The following HDAC9 variants were observed in gnomAD, a reference collection of about 807,000 sequenced individuals.
The protein encoded by HDAC9 is MEF-2 interacting transcription repressor (MITR) protein.
Under a neutral mutation model 139.4 loss-of-function variants are expected in HDAC9, and 41 were observed. That is an observed-to-expected ratio of 0.29 (90% CI 0.23 to 0.38). The LOEUF is 0.38. Ranked by LOEUF, HDAC9 falls within the 10% of genes least tolerant of loss-of-function variation. The pLI, the probability that HDAC9 is intolerant of heterozygous loss-of-function variation, is 1.00. For missense variants in HDAC9, 1,147 were observed against 1,297.0 expected, an observed-to-expected ratio of 0.88 and a Z score of 1.78; for synonymous variants, 517 against 476.2, an observed-to-expected ratio of 1.09 and a Z score of -1.12.
intron 17 of HDAC9, among the ~76,000 whole-genome samples, chr7:18,827,806 T>C (rs941639937): frequency 2.0e-5 from 3 of 152,158 alleles, no homozygotes; most frequent in Non-Finnish European, 4.4e-5. Flanking sequence ...TGTGCATCTG[T>C]CATAAGCTTT....
intron 2 of HDAC9, among the ~76,000 whole-genome samples, chr7:18,262,002 AT>A (rs1795712628): frequency 6.6e-6 from 1 of 152,244 alleles, no homozygotes; most frequent in Non-Finnish European, 1.5e-5. Flanking sequence ...GCAAAGATAT[AT>A]CAAATCCCCT....
intron 1 of HDAC9, among the ~76,000 whole-genome samples, chr7:18,456,818 T>C (rs1793394905): frequency 6.6e-6 from 1 of 152,196 alleles, no homozygotes; most frequent in Non-Finnish European, 1.5e-5. Flanking sequence ...ATTTTCTAAA[T>C]TGAATATGCA....
intron 2 of HDAC9, among the ~76,000 whole-genome samples, chr7:18,544,139 G>T (rs1223374371): frequency 6.6e-6 from 1 of 152,192 alleles, no homozygotes; most frequent in Non-Finnish European, 1.5e-5. Context: ...TCAGCTAGAG[G>T]CTGTCATGGT....
intron 18 of HDAC9, 46 bp from the exon 19 acceptor site, chr7:18,829,415 C>T: frequency 5.0e-6 from 7 of 1,390,020 alleles, no homozygotes; most frequent in Non-Finnish European, 7.1e-6. Flanking sequence ...AATGGTTTTC[C>T]TGGATGATTT....
At chr7:18,150,537 T>C (rs1206424170) in intron 1 of HDAC9, among the ~76,000 whole-genome samples, 1 of 152,200 alleles carries the variant, frequency 6.6e-6, no homozygotes, top group African/African-American at 2.4e-5. Context: ...GACATCAATT[T>C]TGCTGAGAAT....
chr7:18,329,932 T>C (rs1800780481), intron 1 of HDAC9, among the ~76,000 whole-genome samples: 1 of 151,564 alleles, frequency 6.6e-6, no homozygotes, highest in Non-Finnish European at 1.5e-5. Flanking sequence ...TATATTTTAC[T>C]TCTAAGGTAC....
intron 17 of HDAC9, among the ~76,000 whole-genome samples, chr7:18,820,724 C>T (rs2588635): frequency 6.6e-6 from 1 of 151,882 alleles, no homozygotes; most frequent in Non-Finnish European, 1.5e-5. Context: ...AATCTAGCAG[C>T]TAAAATGGTG....
chr7:18,780,990 C>G (rs1019825301), intron 16 of HDAC9, among the ~76,000 whole-genome samples: 3 of 152,140 alleles, frequency 2.0e-5, no homozygotes, highest in South Asian at 4.1e-4. Context: ...TCTCACAGTT[C>G]TGGAGCCTAG....
At chr7:18,312,234 T>C (rs1348021813) in intron 1 of HDAC9, among the ~76,000 whole-genome samples, 2 of 152,190 alleles carry the variant, frequency 1.3e-5, no homozygotes, top group Non-Finnish European at 2.9e-5. Context: ...AGGAGAGCCA[T>C]ACAGTGAAAA....
chr7:18,357,783 C>T (rs1783438871), intron 1 of HDAC9, among the ~76,000 whole-genome samples: 1 of 151,988 alleles, frequency 6.6e-6, no homozygotes, highest in Non-Finnish European at 1.5e-5. Flanking sequence ...TGGCTTGTTG[C>T]AGAAACTGAA....
chr7:18,344,766 G>T (rs993334190), intron 1 of HDAC9, among the ~76,000 whole-genome samples: 1 of 151,926 alleles, frequency 6.6e-6, no homozygotes, highest in Non-Finnish European at 1.5e-5. Context: ...TTGGAATTTT[G>T]GTGGCTGTTA....
intron 1 of HDAC9, among the ~76,000 whole-genome samples, chr7:18,332,408 AGAGAT>A (rs1433083448): frequency 8.6e-5 from 13 of 151,358 alleles, no homozygotes; most frequent in Non-Finnish European, 1.2e-4. Flanking sequence ...AGAGAGAGAG[AGAGAT>A]TTTTACTTTA....
chr7:18,584,102 G>A (rs1828683965), intron 2 of HDAC9, among the ~76,000 whole-genome samples: 1 of 146,540 alleles, frequency 6.8e-6, no homozygotes, highest in African/African-American at 2.5e-5. Flanking sequence ...CTGTCTGTGA[G>A]TTTTCCTGCT....
chr7:18,962,705 A>G (rs898159030), intron 24 of HDAC9, among the ~76,000 whole-genome samples: 3 of 152,208 alleles, frequency 2.0e-5, no homozygotes, highest in African/African-American at 4.8e-5. Context: ...ACACATACAC[A>G]TGATACCATG....
At chr7:18,715,133 CAA>C (rs137938559) in intron 12 of HDAC9, among the ~76,000 whole-genome samples, 1 of 152,014 alleles carries the variant, frequency 6.6e-6, no homozygotes, top group Non-Finnish European at 1.5e-5. Context: ...CCACAGTTTT[CAA>C]TTCTGACCCA....
intron 23 of HDAC9, among the ~76,000 whole-genome samples, chr7:18,952,632 T>A (rs1262382732): frequency 1.3e-5 from 2 of 152,016 alleles, no homozygotes; most frequent in Non-Finnish European, 2.9e-5. Flanking sequence ...CCTTGTCTAA[T>A]GCATAAGAGT....
intron 1 of HDAC9, among the ~76,000 whole-genome samples, chr7:18,451,340 T>G (rs577351918): frequency 1.3e-5 from 2 of 150,790 alleles, no homozygotes; most frequent in Non-Finnish European, 3.0e-5. Context: ...TATAGCAGGC[T>G]GAATGGACCA....
intron 13 of HDAC9, among the ~76,000 whole-genome samples, chr7:18,744,808 G>A (rs918564787): frequency 6.6e-6 from 1 of 151,958 alleles, no homozygotes; most frequent in Admixed American, 6.6e-5. Context: ...CAAAGTCCAA[G>A]TTTATCTAAA....
At chr7:18,935,770 G>A in intron 22 of HDAC9, 39 bp from the exon 23 acceptor site, 1 of 1,588,464 alleles carries the variant, frequency 6.3e-7, no homozygotes, top group Non-Finnish European at 8.6e-7. Flanking sequence ...ACTTTCTCTT[G>A]ATTTAATACT....
Sources: gnomAD v4.1 joint callset for allele counts (sites outside exome capture counted in the v4.1 genomes callset) on GRCh38, gnomAD v4.1.1 for gene constraint, MANE v1.5 for transcripts, NCBI Gene and HGNC (gene_info 2026-07-23, HGNC 2026-07-21) for gene names.